Variants in VWA8 observed in about 807,000 individuals in gnomAD.
VWA8 encodes the protein von Willebrand factor A domain containing 8, also known as von Willebrand factor A domain-containing protein 8.
In VWA8, 221 loss-of-function variants were observed where a neutral mutation model predicts 241.5. The observed-to-expected ratio is 0.91, with a 90% CI of 0.82 to 1.02. VWA8 has a LOEUF of 1.02. Among genes scored for constraint, VWA8 ranks in the 50% least tolerant of loss-of-function variants. VWA8 has a pLI of 0.00. For missense variants in VWA8, 2,322 were observed against 2,328.7 expected, an observed-to-expected ratio of 1.00 and a Z score of 0.06; for synonymous variants, 852 against 827.1, an observed-to-expected ratio of 1.03 and a Z score of -0.52.
chr13:41,646,971 A>C (rs1044942021), intron 37 of VWA8, among the ~76,000 whole-genome samples: 2 of 152,198 alleles, frequency 1.3e-5, no homozygotes, highest in African/African-American at 4.8e-5. Context: ...CTGTTTCTTC[A>C]TCTATAAAAT....
At chr13:41,647,549 G>C (rs1246947786) in intron 37 of VWA8, among the ~76,000 whole-genome samples, 1 of 152,166 alleles carries the variant, frequency 6.6e-6, no homozygotes, top group Non-Finnish European at 1.5e-5. Flanking sequence ...AATGCTTACT[G>C]AGTGTCCAGT....
chr13:41,891,250 A>G (rs1050870136), intron 5 of VWA8, among the ~76,000 whole-genome samples, 170 bp downstream of exon 5: 1 of 152,108 alleles, frequency 6.6e-6, no homozygotes, highest in African/African-American at 2.4e-5. Flanking sequence ...GACAAAGTCT[A>G]AAACAGAAGA....
At chr13:41,827,156 T>C (rs961180195) in intron 14 of VWA8, among the ~76,000 whole-genome samples, 8 of 152,176 alleles carry the variant, frequency 5.3e-5, no homozygotes, top group Admixed American at 2.6e-4. Flanking sequence ...AAACAAGATA[T>C]ATGCAAGAAA....
intron 21 of VWA8, among the ~76,000 whole-genome samples, chr13:41,744,587 TAAAACAAAAC>T (rs67574276): frequency 6.6e-5 from 10 of 151,202 alleles, no homozygotes; most frequent in South Asian, 2.1e-4. Context: ...TTTATAAAAC[TAAAACAAAAC>T]AAAACAAAAC....
chr13:41,957,449 G>A (rs1229745614), intron 1 of VWA8, among the ~76,000 whole-genome samples: 4 of 152,050 alleles, frequency 2.6e-5, no homozygotes, highest in Non-Finnish European at 5.9e-5. Context: ...CCTTATAGCA[G>A]TGTGAGAACA....
intron 12 of VWA8, among the ~76,000 whole-genome samples, chr13:41,836,323 T>C (rs1476428791): frequency 1.3e-5 from 2 of 152,174 alleles, no homozygotes; most frequent in Non-Finnish European, 2.9e-5. Flanking sequence ...TCAACTAATA[T>C]CATACTTTCA....
chr13:41,904,218 T>A (rs1875593155), intron 4 of VWA8, among the ~76,000 whole-genome samples: 1 of 152,170 alleles, frequency 6.6e-6, no homozygotes, highest in African/African-American at 2.4e-5. Flanking sequence ...ATAAATTTAG[T>A]TTCCTAAAAC....
intron 26 of VWA8, among the ~76,000 whole-genome samples, chr13:41,713,840 G>C (rs568537655): frequency 1.3e-5 from 2 of 152,130 alleles, no homozygotes; most frequent in Admixed American, 6.5e-5. Context: ...AAAAAGTAGA[G>C]ATGGGAAAGA....
At chr13:41,752,790 T>C (rs911713920) in intron 21 of VWA8, among the ~76,000 whole-genome samples, 1 of 152,176 alleles carries the variant, frequency 6.6e-6, no homozygotes, top group Non-Finnish European at 1.5e-5. Flanking sequence ...CATTTATTCC[T>C]CACAACAACC....
intron 40 of VWA8, among the ~76,000 whole-genome samples, chr13:41,592,570 G>GAA (rs58447140): frequency 9.1e-4 from 122 of 133,568 alleles, no homozygotes; most frequent in South Asian, 4.7e-3. Flanking sequence ...TATTTGTTTT[G>GAA]AAAAAAAAAA....
chr13:41,568,223 T>C lies in VWA8; in HGVS notation c.5692A>G (p.Thr1898Ala). The C allele has an allele frequency of 6.2e-7, 1 of 1,613,988 alleles. No homozygotes were observed. Among genetic ancestry groups the C allele is most frequent in the Non-Finnish European group, 8.5e-7 (1 of 1,179,950 alleles). The stretch of plus-strand genomic sequence containing the variant: ...TAGACACTCGACAACATGGTGGAGG[T>C]GAAGATCTGTTGTAAAATCTGAGGG... ...DIPQILQQIF[T>A]STMLSSV Residue 1898 changes from threonine to alanine, a missense_variant, in exon 45 of 45, where the codon ACC (threonine) becomes GCC (alanine). By Grantham distance (58) the Thr-to-Ala change is moderately conservative. Coordinates refer to ENST00000379310, the MANE Select transcript of VWA8 (RefSeq NM_015058.2).
rs1491188849 is a variant in VWA8, at chr13:41,704,462, ACT to A, written c.3117-1053_3117-1052del. 2.7e-3 allele frequency among the ~76,000 whole-genome samples: 397 copies of A among 149,046 alleles called. 6 individuals are homozygous for A. Among genetic ancestry groups the A allele is most frequent in the African/African-American group, 6.3e-3 (256 of 40,720 alleles). ...AGCAGATAATTTTTTTTAAGTCTTC[ACT>A]TTTTTTTTTTTTTCTTTGAGACAGG... is the stretch of plus-strand genomic sequence containing the variant. On this transcript the variant is annotated intron_variant, in intron 26 of 44. Transcript: ENST00000379310.
intron 42 of VWA8, among the ~76,000 whole-genome samples, chr13:41,587,162 A>T (rs1019479246): frequency 2.6e-5 from 4 of 152,172 alleles, no homozygotes; most frequent in Non-Finnish European, 4.4e-5. Flanking sequence ...GGGTGGACTC[A>T]AACTTTGGAA....
chr13:41,586,843 T>C (rs1188804734), intron 42 of VWA8, among the ~76,000 whole-genome samples: 2 of 152,178 alleles, frequency 1.3e-5, no homozygotes, highest in East Asian at 3.8e-4. Flanking sequence ...AATAATTACA[T>C]GGCATGTGAC....
At chr13:41,869,631 CAAAAAA>C (rs532296102) in intron 9 of VWA8, among the ~76,000 whole-genome samples, 2 of 40,298 alleles carry the variant, frequency 5.0e-5, no homozygotes, top group African/African-American at 2.1e-4. Context: ...AACTTTGTCT[CAAAAAA>C]AAAAAAAAAA....
In VWA8 at chr13:41,922,414, G is replaced by A. The variant is rs28818525; in HGVS notation, c.242-10246C>T. Among the ~76,000 whole-genome samples, 286 of 152,170 alleles carry A rather than the reference G, an allele frequency of 1.9e-3. 2 individuals carry two copies. Among genetic ancestry groups the A allele is most frequent in the African/African-American group, 5.9e-3 (243 of 41,530 alleles). The stretch of plus-strand genomic sequence containing the variant: ...CTAAAACACCAAAAGCAATGGCAAC[G>A]GAAGCCAAAATTGACAAATGGGATC... On this transcript the variant is annotated intron_variant, in intron 2 of 44. Transcript: ENST00000379310.
At chr13:41,819,574 T>A (rs1870859945) in intron 14 of VWA8, among the ~76,000 whole-genome samples, 188 bp from the exon 15 acceptor site, 2 of 151,974 alleles carry the variant, frequency 1.3e-5, no homozygotes, top group South Asian at 4.1e-4. Context: ...AAACAAACAA[T>A]CACCTACTAC....
intron 21 of VWA8, among the ~76,000 whole-genome samples, chr13:41,754,997 C>T (rs773956545): frequency 3.9e-5 from 6 of 151,918 alleles, no homozygotes; most frequent in Non-Finnish European, 5.9e-5. Context: ...TTTTCTTTTT[C>T]CATTCATCTG....
chr13:41,911,941 G>A (rs1876020694), intron 3 of VWA8, 97 bp downstream of exon 3: 2 of 1,261,334 alleles, frequency 1.6e-6, no homozygotes, highest in African/African-American at 1.5e-5. Flanking sequence ...TTCAAATAAT[G>A]ACTAATTCTG....
Sources: allele counts gnomAD v4.1 joint callset (sites outside exome capture counted in the v4.1 genomes callset), GRCh38; gene constraint gnomAD v4.1.1; transcripts MANE v1.5; gene names NCBI Gene and HGNC (gene_info 2026-07-23, HGNC 2026-07-21).